Variants in RANBP6 observed in about 807,000 individuals in gnomAD.
RANBP6 encodes the protein RAN binding protein 6, also known as ran-binding protein 6.
RANBP6 carries 10 observed loss-of-function variants against 35.3 expected under a neutral mutation model. That is an observed-to-expected ratio of 0.28 (90% CI 0.17 to 0.48). The LOEUF is 0.48. Ranked by LOEUF, RANBP6 falls within the 20% of genes least tolerant of loss-of-function variation. The pLI, the probability that RANBP6 is intolerant of heterozygous loss-of-function variation, is 0.99. For synonymous variants in RANBP6, 514 were observed against 464.2 expected, an observed-to-expected ratio of 1.11 and a Z score of -1.38; for missense variants, 1,392 against 1,307.7, an observed-to-expected ratio of 1.06 and a Z score of -0.99.
Position 6,012,749 on chromosome 9 carries a change from T to A in RANBP6, c.2859A>T (p.Ser953=). The change falls in exon 1 of 1, where the codon TCA becomes TCT. Residue 953 remains serine, a synonymous_variant. Transcript: ENST00000259569. The part of the protein sequence containing the change: ...FGGDDYRSLC[S]EAVPLLVKVI... ...CTTTTACCAGAAGTGGAACAGCTTC[T>A]GAACATAAAGAACGATAATCATCTC... The A allele has an allele frequency of 6.2e-7, 1 of 1,614,198 alleles. No homozygotes were observed. Among genetic ancestry groups the A allele is most frequent in the African/African-American group, 1.3e-5 (1 of 75,066 alleles).
rs758804375 is a variant in RANBP6 at position 6,015,599 on chromosome 9, T to G, written c.9A>C (p.Ala3=). The G allele has an allele frequency of 1.3e-6, 2 of 1,593,058 alleles. No individual in the cohort carries two copies. The highest frequency in any genetic ancestry group is 1.7e-6 in the Non-Finnish European group (2 of 1,175,540). The change falls in exon 1 of 1, where the codon GCA becomes GCC. Residue 3 remains alanine, a synonymous_variant. Coordinates refer to ENST00000259569, the MANE Select transcript of RANBP6 (RefSeq NM_012416.4). The part of the protein sequence containing the change: MA[A]TASAGVPATV... ...TCGCCGGCACCCCTGCAGACGCGGT[T>G]GCCGCCATTGCGCTCTGTCAAAGCT... is the stretch of plus-strand genomic sequence containing the variant.
chr9:6,015,036 T>A lies in RANBP6; in HGVS notation c.572A>T (p.Asp191Val). 6.2e-7 allele frequency: 1 copy of A among 1,614,204 alleles called. No individual in the cohort carries two copies. The highest frequency in any genetic ancestry group is 1.1e-5 in the South Asian group (1 of 91,086). ...IKRLLDQCIQ[D>V]QEHPAIRTLS... is the part of the protein sequence containing the mutation. ...TGTCCTGATTGCTGGATGTTCTTGATCTTGAATACACTGGTCCAACAACCG... is the reference window on the plus strand; with the variant it reads ...TGTCCTGATTGCTGGATGTTCTTGAACTTGAATACACTGGTCCAACAACCG... The change falls in exon 1 of 1, where the codon GAT (aspartate) becomes GTT (valine). Residue 191 changes from aspartate to valine, a missense_variant. By Grantham distance (152) the Asp-to-Val change is radical. Coordinates refer to ENST00000259569, the MANE Select transcript of RANBP6 (RefSeq NM_012416.4).
chr9:6,012,904 G>A lies in RANBP6; in HGVS notation c.2704C>T (p.His902Tyr), dbSNP rs763680958. 4.3e-6 allele frequency: 7 copies of A among 1,614,086 alleles called. No homozygotes were observed. Among genetic ancestry groups the A allele is most frequent in the East Asian group, 2.2e-5 (1 of 44,886 alleles). Reference protein sequence around the residue: ...GLCIFDDIIEHCSPTSFKYVE... With the variant: ...GLCIFDDIIEYCSPTSFKYVE... ...TATTTAAATGAAGTTGGACTGCAGT[G>A]CTCTATGATGTCATCAAATATGCAC... Residue 902 changes from histidine (H) to tyrosine (Y), a missense_variant, in exon 1 of 1, where the codon CAC becomes TAC. Transcript: ENST00000259569.
rs750960958 is a variant in RANBP6 at position 6,013,869 on chromosome 9, T to C, written c.1739A>G (p.Lys580Arg). 4 of 1,613,808 alleles carry C rather than the reference T, an allele frequency of 2.5e-6. No homozygotes were observed. The African/African-American group carries it at 5.3e-5, about 22-fold the overall frequency. ...SHIGLAVGKE[K>R]FMQDASNVMQ... ...CACATTTGATGCATCTTGCATAAAT[T>C]TTTCCTTCCCAACAGCAAGACCAAT... The change falls in exon 1 of 1, where the codon AAA becomes AGA. Residue 580 changes from lysine to arginine, a missense_variant. By Grantham distance (26) the Lys-to-Arg change is conservative (BLOSUM62 2). Transcript: ENST00000259569.
Position 6,015,023 on chromosome 9 carries a change from T to C in RANBP6, c.585A>G (p.Pro195=). The C allele has an allele frequency of 3.7e-6, 6 of 1,614,230 alleles. No homozygotes were observed. The highest frequency in any genetic ancestry group is 5.1e-6 in the Non-Finnish European group (6 of 1,180,042). The change falls in exon 1 of 1, where the codon CCA becomes CCG. Residue 195 remains proline (P), a synonymous_variant. Coordinates refer to ENST00000259569, the MANE Select transcript of RANBP6 (RefSeq NM_012416.4). ...CTCTAGCGGATAATGTCCTGATTGC[T>C]GGATGTTCTTGATCTTGAATACACT... ...LDQCIQDQEH[P]AIRTLSARAA... is the part of the protein sequence containing the mutation.
Position 6,014,214 on chromosome 9 carries a change from C to T in RANBP6, c.1394G>A (p.Arg465His), listed in dbSNP as rs761267698. 2.3e-5 allele frequency: 37 copies of T among 1,613,406 alleles called. No individual in the cohort carries two copies. The highest frequency in any genetic ancestry group is 8.8e-5 in the South Asian group (8 of 90,982). ...LRTMENQGNQ[R>H]VQSHAASALI... ...AGCAGAAGCTGCATGTGATTGCACA[C>T]GCTGATTACCTTGATTTTCCATGGT... is the stretch of plus-strand genomic sequence containing the variant. The change falls in exon 1 of 1, where the codon CGT becomes CAT. Residue 465 changes from arginine to histidine, a missense_variant. Transcript: ENST00000259569.
rs62557309 is a variant in RANBP6, at chr9:6,012,378, T to C, written c.3230A>G (p.Gln1077Arg). The stretch of plus-strand genomic sequence containing the variant: ...TTCCAACCATAAATCTTCAGAAGTC[T>C]GTACCTGACGCACGACATTAGCTAG... ...KRLANVVRQV[Q>R]TSEDLWLECV... Residue 1077 changes from glutamine (Q) to arginine (R), a missense_variant, in exon 1 of 1, where the codon CAG becomes CGG. Coordinates refer to ENST00000259569, the MANE Select transcript of RANBP6 (RefSeq NM_012416.4). 6.2e-7 allele frequency: 1 copy of C among 1,613,478 alleles called. No individual in the cohort carries two copies. The highest frequency in any genetic ancestry group is 8.5e-7 in the Non-Finnish European group (1 of 1,179,876).
Position 6,015,573 on chromosome 9 carries a change from G to A in RANBP6, c.35C>T (p.Thr12Ile). The change falls in exon 1 of 1, where the codon ACC becomes ATC. Residue 12 changes from threonine (T) to isoleucine (I), a missense_variant. Transcript: ENST00000259569. ...GTAAAACTCTTGCTTTTCTGACACGGTCGCCGGCACCCCTGCAGACGCGGT... is the reference window on the plus strand; with the variant it reads ...GTAAAACTCTTGCTTTTCTGACACGATCGCCGGCACCCCTGCAGACGCGGT... ...AATASAGVPA[T>I]VSEKQEFYQL... 1 of 1,604,210 alleles carries A rather than the reference G, an allele frequency of 6.2e-7. No homozygotes were observed. The highest frequency in any genetic ancestry group is 1.1e-5 in the South Asian group (1 of 90,924).
chr9:6,013,513 C>T lies in RANBP6; in HGVS notation c.2095G>A (p.Glu699Lys). ...TATTCCACAAACCCTTCCCTTAACT[C>T]CTTAGCATAGTAAACCAACATTTGG... ...ACQMLVYYAK[E>K]LREGFVEYTE... is the part of the protein sequence containing the mutation. The change falls in exon 1 of 1, where the codon GAG becomes AAG. Residue 699 changes from glutamate (E) to lysine (K), a missense_variant. Coordinates refer to ENST00000259569, the MANE Select transcript of RANBP6 (RefSeq NM_012416.4). 1 of 1,614,224 alleles carries T rather than the reference C, an allele frequency of 6.2e-7. No homozygotes were observed. The highest frequency in any genetic ancestry group is 1.6e-4 in the Middle Eastern group (1 of 6,062).
Position 6,011,403 on chromosome 9 carries a change from T to C in RANBP6, c.*887A>G, listed in dbSNP as rs878912106. ...TTCTACTCTAGAATCTCTTAGGAAA[T>C]TATTTGAAATAGAAATCAATTTAAG... is the stretch of plus-strand genomic sequence containing the variant. On this transcript the variant is annotated 3_prime_UTR_variant, in exon 1 of 1. Coordinates refer to ENST00000259569, the MANE Select transcript of RANBP6 (RefSeq NM_012416.4). The C allele has an allele frequency of 6.6e-6, 1 of 152,212 alleles. No homozygotes were observed. Among genetic ancestry groups the C allele is most frequent in the South Asian group, 2.1e-4 (1 of 4,834 alleles). The allele number at this position is 152,212 out of a possible 1,614,324, so 9.4% of individuals were successfully genotyped here.
rs1482430301 is a variant in RANBP6 at position 6,013,209 on chromosome 9, T to A, written c.2399A>T (p.Glu800Val). The A allele has an allele frequency of 6.2e-7, 1 of 1,614,048 alleles. No individual in the cohort carries two copies. Among genetic ancestry groups the A allele is most frequent in the South Asian group, 1.1e-5 (1 of 91,052 alleles). Residue 800 changes from glutamate (E) to valine (V), a missense_variant, in exon 1 of 1, where the codon GAA (glutamate) becomes GTA (valine). Glu to Val is a moderately radical substitution (Grantham distance 121). Transcript: ENST00000259569. ...DGCLNDEHLE[E>V]LGGILKAKLE... ...TTTTGCTTTCAGTATTCCTCCCAGT[T>A]CTTCCAAGTGTTCATCATTAAGGCA...
At position 6,012,519 on chromosome 9, in the gene RANBP6, C is replaced by A; in HGVS notation, c.3089G>T (p.Ser1030Ile). ...TLSFLCDLIE[S>I]NHPVVIGPNN... is the part of the protein sequence containing the mutation. Reference sequence around the variant, plus strand: ...TGGACCAATTACAACTGGGTGGTTACTTTCAATTAGGTCACAGAGAAAACT... The same window carrying A: ...TGGACCAATTACAACTGGGTGGTTAATTTCAATTAGGTCACAGAGAAAACT... The change falls in exon 1 of 1, where the codon AGT (serine) becomes ATT (isoleucine). Residue 1030 changes from serine (S) to isoleucine (I), a missense_variant. Transcript: ENST00000259569. 1.2e-6 allele frequency: 2 copies of A among 1,612,432 alleles called. No homozygotes were observed. The highest frequency in any genetic ancestry group is 2.7e-5 in the African/African-American group (2 of 74,942).
At position 6,012,615 on chromosome 9, in the gene RANBP6, T is replaced by C. The variant is rs1329953988; in HGVS notation, c.2993A>G (p.Asp998Gly). 8.1e-6 allele frequency: 13 copies of C among 1,614,006 alleles called. No individual in the cohort carries two copies. Among genetic ancestry groups the C allele is most frequent in the Admixed American group, 1.7e-5 (1 of 59,996 alleles). ...TGATAACCAGTGTGGAAGAACTTCA[T>C]CTACATTTACACAGTTAGGCTTAAA... The part of the protein sequence containing the change: ...LKFKPNCVNV[D>G]EVLPHWLSWL... Residue 998 changes from aspartate to glycine, a missense_variant, in exon 1 of 1, where the codon GAT becomes GGT. Asp to Gly is a moderately conservative substitution (Grantham distance 94, BLOSUM62 -1). Transcript: ENST00000259569.
At position 6,012,713 on chromosome 9, in the gene RANBP6, A is replaced by G. The variant is rs140356030; in HGVS notation, c.2895T>C (p.Cys965=). 42 of 1,614,028 alleles carry G rather than the reference A, an allele frequency of 2.6e-5. No homozygotes were observed. In the African/African-American group the frequency reaches 5.1e-4, roughly 19 times the overall value. Residue 965 remains cysteine (C), a synonymous_variant, in exon 1 of 1, where the codon TGT becomes TGC. Transcript: ENST00000259569. ...AVPLLVKVIK[C]ANSKTKKNVI... is the part of the protein sequence containing the mutation. ...CATTTTTTTTGGTTTTGGAATTTGC[A>G]CACTTAATAACTTTTACCAGAAGTG...
In RANBP6 at chr9:6,013,200, C is replaced by T. The variant is rs749769467; in HGVS notation, c.2408G>A (p.Gly803Glu). ...CCCTTCAAGTTTTGCTTTCAGTATT[C>T]CTCCCAGTTCTTCCAAGTGTTCATC... ...LNDEHLEELG[G>E]ILKAKLEGHF... Residue 803 changes from glycine (G) to glutamate (E), a missense_variant, in exon 1 of 1, where the codon GGA becomes GAA. Coordinates refer to ENST00000259569, the MANE Select transcript of RANBP6 (RefSeq NM_012416.4). 4 of 1,613,766 alleles carry T rather than the reference C, an allele frequency of 2.5e-6. No homozygotes were observed. The highest frequency in any genetic ancestry group is 3.3e-5 in the Admixed American group (2 of 59,974).
rs185619071 is a variant in RANBP6, at chr9:6,011,489, A to G, written c.*801T>C. 1 of 152,222 alleles carries G rather than the reference A, an allele frequency of 6.6e-6. No individual in the cohort carries two copies. The highest frequency in any genetic ancestry group is 2.4e-5 in the African/African-American group (1 of 41,438). 9.4% of individuals were successfully genotyped at this position (152,222 alleles called of 1,614,324 possible). On this transcript the variant is annotated 3_prime_UTR_variant, in exon 1 of 1. Coordinates refer to ENST00000259569, the MANE Select transcript of RANBP6 (RefSeq NM_012416.4). ...TTTGCAGGGAGAAAATGGCATACAT[A>G]TACAAAATAATACTCTGCTGAAACA...
chr9:6,014,591 A>G lies in RANBP6; in HGVS notation c.1017T>C (p.Asp339=). 3 of 1,614,148 alleles carry G rather than the reference A, an allele frequency of 1.9e-6. No homozygotes were observed. Among genetic ancestry groups the G allele is most frequent in the Non-Finnish European group, 2.5e-6 (3 of 1,180,028 alleles). The stretch of plus-strand genomic sequence containing the variant: ...CCGCAGCAACTGCATTGCTGTCAAA[A>G]TCATCTTCTTCCATTTCATCAGCAT... ...WVNADEMEED[D]FDSNAVAAES... The change falls in exon 1 of 1, where the codon GAT becomes GAC. Residue 339 remains aspartate (D), a synonymous_variant. Transcript: ENST00000259569.
In RANBP6 at chr9:6,012,571, C is replaced by T; in HGVS notation, c.3037G>A (p.Asp1013Asn). 6.2e-7 allele frequency: 1 copy of T among 1,614,052 alleles called. No homozygotes were observed. The highest frequency in any genetic ancestry group is 8.5e-7 in the Non-Finnish European group (1 of 1,180,006). The change falls in exon 1 of 1, where the codon GAT becomes AAT. Residue 1013 changes from aspartate to asparagine, a missense_variant. By Grantham distance (23) the Asp-to-Asn change is conservative. Coordinates refer to ENST00000259569, the MANE Select transcript of RANBP6 (RefSeq NM_012416.4). ...AAAGTCTGAATAGCTTCCTCTTTAT[C>T]TTCATGCAGTGGAAGCCATGATAAC... is the stretch of plus-strand genomic sequence containing the variant. ...HWLSWLPLHE[D>N]KEEAIQTLSF...
chr9:6,013,268 A>G lies in RANBP6; in HGVS notation c.2340T>C (p.Ser780=). The change falls in exon 1 of 1, where the codon TCT becomes TCC. Residue 780 remains serine, a synonymous_variant. Coordinates refer to ENST00000259569, the MANE Select transcript of RANBP6 (RefSeq NM_012416.4). The part of the protein sequence containing the change: ...DTDVLSEIMN[S]FAKSIEVMGD... ...CCATAACTTCAATGGACTTTGCAAA[A>G]GAATTCATTATTTCTGAGAGCACAT... 56 of 1,614,190 alleles carry G rather than the reference A, an allele frequency of 3.5e-5. No homozygotes were observed. Among genetic ancestry groups the G allele is most frequent in the Non-Finnish European group, 4.7e-5 (55 of 1,180,036 alleles).
Sources: allele counts gnomAD v4.1 joint callset, GRCh38; gene constraint gnomAD v4.1.1; transcripts MANE v1.5; gene names NCBI Gene and HGNC (gene_info 2026-07-23, HGNC 2026-07-21).